The following PTPRT variants were observed in gnomAD, a reference collection of about 807,000 sequenced individuals.
PTPRT encodes the protein protein tyrosine phosphatase receptor type T.
Under a neutral mutation model 176.8 loss-of-function variants are expected in PTPRT, and 56 were observed. The ratio of observed to expected loss-of-function variants is 0.32; its 90% CI spans 0.26 to 0.40. The LOEUF is 0.40. PTPRT is among the 10% of genes least tolerant of loss of function. PTPRT has a pLI of 1.00. For missense variants in PTPRT, 1,540 were observed against 1,908.2 expected (o/e 0.81, Z 3.60); for synonymous variants, 783 against 739.0 (o/e 1.06, Z -0.96).
At chr20:42,209,620 AC>A (rs2055568142) in intron 15 of PTPRT, among the ~76,000 whole-genome samples, 2 of 151,862 alleles carry the variant, frequency 1.3e-5, no homozygotes, top group Admixed American at 1.3e-4. Context: ...CTCTGAATAG[AC>A]CAATAACAGG....
At chr20:43,148,345 C>A (rs1403480463) in intron 1 of PTPRT, among the ~76,000 whole-genome samples, 1 of 152,206 alleles carries the variant, frequency 6.6e-6, no homozygotes, top group Non-Finnish European at 1.5e-5. Flanking sequence ...TGTCTCCCTA[C>A]TCCTTTCAAC....
At chr20:42,751,480 G>A (rs1360436076) in intron 6 of PTPRT, among the ~76,000 whole-genome samples, 1 of 152,220 alleles carries the variant, frequency 6.6e-6, no homozygotes, top group Non-Finnish European at 1.5e-5. Flanking sequence ...TGGTTGAAAT[G>A]AAGGATGCAA....
chr20:42,936,314 T>C (rs1342173913), intron 1 of PTPRT, among the ~76,000 whole-genome samples: 1 of 152,124 alleles, frequency 6.6e-6, no homozygotes, highest in Non-Finnish European at 1.5e-5. Context: ...TATCACATGG[T>C]TGTCTGGGGG....
intron 9 of PTPRT, among the ~76,000 whole-genome samples, chr20:42,423,315 C>T (rs1030093853): frequency 6.6e-6 from 1 of 152,072 alleles, no homozygotes; most frequent in African/African-American, 2.4e-5. Context: ...TGTTAGTCTC[C>T]CTGCTTATAG....
chr20:42,510,967 G>A (rs1012634149), intron 7 of PTPRT, among the ~76,000 whole-genome samples: 14 of 152,194 alleles, frequency 9.2e-5, no homozygotes, highest in South Asian at 2.1e-4. Flanking sequence ...GAATCATGAC[G>A]GCTCTGCCCT....
chr20:42,058,978 T>G, the PTPRT span, among the ~76,000 whole-genome samples: 1 of 152,172 alleles, frequency 6.6e-6, no homozygotes, highest in Admixed American at 6.6e-5. Flanking sequence ...TAGAATCACC[T>G]GGGGAGGGGT....
intron 1 of PTPRT, among the ~76,000 whole-genome samples, chr20:42,960,176 GATTT>G (rs752383827): frequency 4.3e-4 from 66 of 152,104 alleles, no homozygotes; most frequent in Non-Finnish European, 1.6e-4. Flanking sequence ...TATTTTCACT[GATTT>G]ATTAGTCCAT....
intron 1 of PTPRT, among the ~76,000 whole-genome samples, chr20:43,021,216 C>T (rs1985665418): frequency 6.6e-6 from 1 of 152,152 alleles, no homozygotes; most frequent in Admixed American, 6.5e-5. Context: ...AGAGAAAATG[C>T]TCCTCTCATA....
At chr20:42,526,956 C>CTTTTTTTTTTTTTTTTT (rs915511549) in intron 7 of PTPRT, among the ~76,000 whole-genome samples, 5 of 78,714 alleles carry the variant, frequency 6.4e-5, no homozygotes, top group Non-Finnish European at 9.3e-5. Context: ...GTTCTTTTTT[C>CTTTTTTTTTTTTTTTTT]TTTTTTTTTT....
At chr20:42,870,364 T>C (rs1358873956) in intron 2 of PTPRT, among the ~76,000 whole-genome samples, 1 of 152,230 alleles carries the variant, frequency 6.6e-6, no homozygotes, top group East Asian at 1.9e-4. Flanking sequence ...TGAGTAATAT[T>C]CCATTGTATG....
intron 12 of PTPRT, among the ~76,000 whole-genome samples, chr20:42,299,244 A>G (rs960856129): frequency 6.6e-6 from 1 of 152,204 alleles, no homozygotes; most frequent in Non-Finnish European, 1.5e-5. Flanking sequence ...AATGTTTTAC[A>G]TATTAAGAAA....
intron 1 of PTPRT, among the ~76,000 whole-genome samples, chr20:42,979,773 G>A (rs1247225526): frequency 6.6e-6 from 1 of 152,052 alleles, no homozygotes; most frequent in African/African-American, 2.4e-5. Context: ...TCTCCCCAGG[G>A]AGTATAAAAC....
chr20:43,083,321 T>TGTGTATATATATATATGTATATATATAC (rs1491174501), intron 1 of PTPRT, among the ~76,000 whole-genome samples: 1 of 11,428 alleles, frequency 8.8e-5, no homozygotes, highest in African/African-American at 4.2e-4. Context: ...ACTTCAAATG[T>TGTGTATATATATATATGTATATATATAC]ATATATATAT....
In PTPRT at chr20:42,315,819, C is replaced by A. The variant is rs1252417594; in HGVS notation, c.2043G>T (p.Val681=). Residue 681 remains valine, a synonymous_variant, in exon 12 of 31, where the codon GTG becomes GTT. Coordinates refer to ENST00000373187, the MANE Select transcript of PTPRT (RefSeq NM_007050.6). ...ANLPVTQPFT[V]GDNKTYNGYW... Reference sequence around the variant, plus strand: ...AGCCATTGTATGTCTTATTGTCACCCACTGTAAATGGCTGGGTGACAGGCA... The same window carrying A: ...AGCCATTGTATGTCTTATTGTCACCAACTGTAAATGGCTGGGTGACAGGCA... 2 of 1,614,010 alleles carry A rather than the reference C, an allele frequency of 1.2e-6. No individual in the cohort carries two copies. The highest frequency in any genetic ancestry group is 2.7e-5 in the African/African-American group (2 of 74,918).
chr20:42,587,330 C>A (rs1362732621), intron 7 of PTPRT, among the ~76,000 whole-genome samples: 1 of 152,244 alleles, frequency 6.6e-6, no homozygotes, highest in Non-Finnish European at 1.5e-5. Flanking sequence ...AGACACATTG[C>A]CCAGCATGGG....
At chr20:42,126,283 T>C (rs1012467403) in intron 19 of PTPRT, among the ~76,000 whole-genome samples, 3 of 152,166 alleles carry the variant, frequency 2.0e-5, no homozygotes, top group Non-Finnish European at 4.4e-5. Flanking sequence ...GTTGGTGTTG[T>C]CATTGCTCAC....
intron 1 of PTPRT, among the ~76,000 whole-genome samples, chr20:43,122,416 A>T (rs192798147): frequency 6.6e-6 from 1 of 152,288 alleles, no homozygotes; most frequent in East Asian, 1.9e-4. Flanking sequence ...GCCTGTCCAC[A>T]AACATGAAGA....
chr20:42,735,674 G>T (rs532728862), intron 6 of PTPRT, among the ~76,000 whole-genome samples: 1 of 152,090 alleles, frequency 6.6e-6, no homozygotes, highest in Non-Finnish European at 1.5e-5. Flanking sequence ...TAGAACAGAA[G>T]TCTCCCAAGA....
rs185690624 is a variant in PTPRT at position 42,876,804 on chromosome 20, T to C, written c.214+9003A>G. On this transcript the variant is annotated intron_variant, in intron 2 of 30. Transcript: ENST00000373187. The stretch of plus-strand genomic sequence containing the variant: ...CAAGGAATTCAGCAACGAGAGGCAG[T>C]CCATACCCTGCAGCCACTCACAGGC... 4.6e-3 allele frequency among the ~76,000 whole-genome samples: 696 copies of C among 152,222 alleles called. 6 individuals are homozygous for C. Among genetic ancestry groups the C allele is most frequent in the African/African-American group, 0.016 (674 of 41,548 alleles).
Sources: allele counts gnomAD v4.1 joint callset (sites outside exome capture counted in the v4.1 genomes callset), GRCh38; gene constraint gnomAD v4.1.1; transcripts MANE v1.5; gene names NCBI Gene and HGNC (gene_info 2026-07-23, HGNC 2026-07-21).